COL4A1: variants seen among roughly 807,000 people sequenced by gnomAD.
The protein encoded by COL4A1 is collagen type IV alpha 1 chain.
Under a neutral mutation model 216.6 loss-of-function variants are expected in COL4A1, and 40 were observed. That is an observed-to-expected ratio of 0.18 (90% CI 0.14 to 0.24). The LOEUF is 0.24. Ranked by LOEUF, COL4A1 falls within the 10% of genes least tolerant of loss-of-function variation. COL4A1 has a pLI of 1.00. For synonymous variants in COL4A1, 839 were observed against 810.7 expected (o/e 1.03, Z -0.59); for missense variants, 1,628 against 2,196.8 (o/e 0.74, Z 5.18).
chr13:110,223,937 G>T (rs571556729), intron 2 of COL4A1, among the ~76,000 whole-genome samples: 3 of 152,302 alleles, frequency 2.0e-5, no homozygotes, highest in South Asian at 4.1e-4. Context: ...CTAACCCAGG[G>T]CAGGGGCTGA....
intron 1 of COL4A1, among the ~76,000 whole-genome samples, chr13:110,302,154 C>T (rs912488449): frequency 2.6e-5 from 4 of 152,148 alleles, no homozygotes; most frequent in African/African-American, 7.2e-5. Context: ...GACTTTGTGA[C>T]TGAGCAGATG....
At chr13:110,242,788 A>G in intron 1 of COL4A1, 54 bp from the exon 2 acceptor site, 2 of 1,587,508 alleles carry the variant, frequency 1.3e-6, no homozygotes, top group South Asian at 1.1e-5. Context: ...AAGCGAGGGC[A>G]CTATGCAAAT....
chr13:110,255,921 G>GA (rs1283316205), intron 1 of COL4A1, among the ~76,000 whole-genome samples: 3 of 141,438 alleles, frequency 2.1e-5, no homozygotes, highest in Non-Finnish European at 4.7e-5. Context: ...GGCAGGAAGG[G>GA]AGGGGGAAGG....
chr13:110,205,684 G>A lies in COL4A1; in HGVS notation c.859-146C>T, dbSNP rs372271139. 606 of 845,688 alleles carry A rather than the reference G, an allele frequency of 7.2e-4. 4 individuals are homozygous for A. The East Asian group carries it at 0.014, about 19-fold the overall frequency. The allele number at this position is 845,688 out of a possible 1,614,324, so 52.4% of individuals were successfully genotyped here. ...TCGAGACCAGCCTGGCCAACATGGC[G>A]AAATCCCGTCTCCACTAAAAATACA... On this transcript the variant is annotated intron_variant, in intron 15 of 51. Coordinates refer to ENST00000375820, the MANE Select transcript of COL4A1 (RefSeq NM_001845.6).
At position 110,290,458 on chromosome 13, in the gene COL4A1, T is replaced by C. The variant is rs1157332539; in HGVS notation, c.84+16486A>G. On this transcript the variant is annotated intron_variant, in intron 1 of 51. Transcript: ENST00000375820. ...AATGACCACCATGCTTACACTACAC[T>C]CAAGATTCCCTTAAAAGGTTACAAA... 2.0e-5 allele frequency among the ~76,000 whole-genome samples: 3 copies of C among 152,190 alleles called. No homozygotes were observed. In the East Asian group the frequency reaches 5.8e-4, roughly 29 times the overall value.
rs1879552833 is a variant in COL4A1 at position 110,207,045 on chromosome 13, G to C, written c.781-154C>G. On this transcript the variant is annotated intron_variant, in intron 13 of 51. Transcript: ENST00000375820. This position sits in a 1 kb window ranked among gnomAD's most constrained non-coding sequence, Gnocchi z 4.4. Reference sequence around the variant, plus strand: ...CTCCAGCACTCACTTGACATTGACTGGTATAAATGTAAGCAGGGCAGGGTT... The same window carrying C: ...CTCCAGCACTCACTTGACATTGACTCGTATAAATGTAAGCAGGGCAGGGTT... 2.0e-5 allele frequency among the ~76,000 whole-genome samples: 3 copies of C among 151,982 alleles called. No individual in the cohort carries two copies. Among genetic ancestry groups the C allele is most frequent in the Admixed American group, 1.3e-4 (2 of 15,270 alleles).
At chr13:110,264,825 G>A (rs1470120176) in intron 1 of COL4A1, among the ~76,000 whole-genome samples, 5 of 152,124 alleles carry the variant, frequency 3.3e-5, no homozygotes, top group Admixed American at 3.3e-4. Context: ...TTGATGGGGG[G>A]ATTGAAGGCC....
intron 1 of COL4A1, among the ~76,000 whole-genome samples, chr13:110,297,608 C>A (rs985051075): frequency 6.6e-6 from 1 of 152,180 alleles, no homozygotes; most frequent in Admixed American, 6.5e-5. Context: ...GAGTCTGAAA[C>A]TGATGCCTTT....
intron 10 of COL4A1, 23 bp downstream of exon 10, chr13:110,209,957 G>A (rs1472457932): frequency 1.2e-6 from 2 of 1,613,372 alleles, no homozygotes; most frequent in African/African-American, 1.3e-5. Flanking sequence ...GATTGCCTCG[G>A]AGAGACAGCC....
chr13:110,206,933 G>C (rs1879545312), intron 13 of COL4A1, 42 bp from the exon 14 acceptor site: 7 of 1,605,622 alleles, frequency 4.4e-6, no homozygotes, highest in Non-Finnish European at 6.0e-6. Flanking sequence ...TCAAACAGCT[G>C]TATCATTTGT....
chr13:110,224,592 G>A (rs948876466), intron 2 of COL4A1, among the ~76,000 whole-genome samples: 1 of 152,168 alleles, frequency 6.6e-6, no homozygotes, highest in African/African-American at 2.4e-5. Context: ...CAAAGTGCTG[G>A]TATTACAGGT....
chr13:110,192,085 G>C, intron 24 of COL4A1, 129 bp downstream of exon 24: 2 of 943,710 alleles, frequency 2.1e-6, no homozygotes, highest in South Asian at 2.7e-5. Context: ...CAGAGGGCTC[G>C]ACACAGCAAC....
intron 46 of COL4A1, among the ~76,000 whole-genome samples, chr13:110,163,797 C>A (rs536704754): frequency 6.6e-6 from 1 of 152,134 alleles, no homozygotes; most frequent in Admixed American, 6.5e-5. Context: ...CTGAGTTCTC[C>A]CTGGTTTCTT....
intron 1 of COL4A1, among the ~76,000 whole-genome samples, chr13:110,304,049 T>C (rs1182470720): frequency 2.0e-5 from 3 of 152,354 alleles, no homozygotes; most frequent in Non-Finnish European, 4.4e-5. Flanking sequence ...TAATAATATA[T>C]AGCATTGATA....
intron 2 of COL4A1, among the ~76,000 whole-genome samples, chr13:110,219,818 GTATATATA>G (rs1349491238): frequency 1.5e-5 from 2 of 131,812 alleles, no homozygotes; most frequent in African/African-American, 5.9e-5. Context: ...GTGTATATAT[GTATATATA>G]TGTATGTATG....
At chr13:110,246,322 C>A (rs1252718595) in intron 1 of COL4A1, among the ~76,000 whole-genome samples, 1 of 151,572 alleles carries the variant, frequency 6.6e-6, no homozygotes, top group Non-Finnish European at 1.5e-5. Context: ...ATTTTAGCTG[C>A]AGTTCAATGG....
intron 24 of COL4A1, among the ~76,000 whole-genome samples, chr13:110,189,106 C>T (rs1231160188): frequency 2.0e-5 from 3 of 152,148 alleles, no homozygotes; most frequent in African/African-American, 7.2e-5. Flanking sequence ...TCTTGTTGCC[C>T]AGGCTGGAGT....
intron 2 of COL4A1, among the ~76,000 whole-genome samples, chr13:110,228,712 C>G (rs1445085): frequency 0.59 from 89,549 of 152,132 alleles, 26,765 homozygotes; most frequent in East Asian, 0.72. Context: ...CAATAGGAAG[C>G]CCAAAGAAAT....
chr13:110,267,678 A>C (rs1337394677), intron 1 of COL4A1, among the ~76,000 whole-genome samples: 3 of 152,206 alleles, frequency 2.0e-5, no homozygotes, highest in Admixed American at 2.0e-4. Context: ...AGCTGGAAAC[A>C]ACTGAAAATT....
Sources: allele counts gnomAD v4.1 joint callset (sites outside exome capture counted in the v4.1 genomes callset), GRCh38; gene constraint gnomAD v4.1.1; non-coding constraint Gnocchi (gnomAD v3.1); transcripts MANE v1.5; gene names NCBI Gene and HGNC (gene_info 2026-07-23, HGNC 2026-07-21).